The following LRBA variants were observed in gnomAD, a reference collection of about 807,000 sequenced individuals.
LRBA encodes the protein LPS responsive beige-like anchor protein.
LRBA carries 176 observed loss-of-function variants against 330.0 expected under a neutral mutation model. The ratio of observed to expected loss-of-function variants is 0.53; its 90% CI spans 0.47 to 0.60. The LOEUF (loss-of-function observed/expected upper bound fraction) is 0.60, where lower values mean the gene tolerates loss of function less well. Ranked by LOEUF, LRBA falls within the 20% of genes least tolerant of loss-of-function variation. The pLI, the probability that LRBA is intolerant of heterozygous loss-of-function variation, is 0.00. For synonymous variants in LRBA, 1,230 were observed against 1,193.0 expected, an observed-to-expected ratio of 1.03 and a Z score of -0.64; for missense variants, 3,259 against 3,444.8, an observed-to-expected ratio of 0.95 and a Z score of 1.35.
At chr4:150,899,821 C>A (rs1454957155) in intron 14 of LRBA, among the ~76,000 whole-genome samples, 1 of 152,112 alleles carries the variant, frequency 6.6e-6, no homozygotes, top group East Asian at 1.9e-4. Context: ...CCAAACAACT[C>A]ACACCAGCAC....
intron 5 of LRBA, among the ~76,000 whole-genome samples, chr4:150,919,289 T>C (rs1042828980): frequency 2.6e-5 from 4 of 152,200 alleles, no homozygotes; most frequent in Admixed American, 6.5e-5. Context: ...GTGGTGATGG[T>C]TGACAACTCT....
At chr4:150,594,814 A>C (rs7657997) in intron 38 of LRBA, among the ~76,000 whole-genome samples, 110,414 of 151,770 alleles carry the variant, frequency 0.73, 45,818 homozygotes, top group Non-Finnish European at 0.91. Flanking sequence ...AGTTCTTCAG[A>C]GCTAACTCTG....
chr4:150,573,463 A>G (rs1161726851), intron 40 of LRBA, among the ~76,000 whole-genome samples: 2 of 150,932 alleles, frequency 1.3e-5, no homozygotes, highest in African/African-American at 4.9e-5. Context: ...TTCAATGACC[A>G]TAACACAGAA....
intron 2 of LRBA, among the ~76,000 whole-genome samples, chr4:150,929,689 C>T (rs937610084): frequency 1.3e-5 from 2 of 152,156 alleles, no homozygotes; most frequent in Non-Finnish European, 2.9e-5. Flanking sequence ...TCACCCAGAG[C>T]CTCCCCATAC....
chr4:150,267,557 A>G (rs1023581279), intron 56 of LRBA, among the ~76,000 whole-genome samples: 1 of 152,214 alleles, frequency 6.6e-6, no homozygotes. Context: ...CTGTAAACAC[A>G]TAGATTTAAA....
chr4:150,391,551 G>A (rs780992305), intron 47 of LRBA, among the ~76,000 whole-genome samples: 1 of 152,106 alleles, frequency 6.6e-6, no homozygotes, highest in Non-Finnish European at 1.5e-5. Context: ...GAACATATTT[G>A]ATTCAACAAA....
At chr4:151,014,328 T>C in intron 2 of LRBA, 99 bp downstream of exon 2, 1 of 897,460 alleles carries the variant, frequency 1.1e-6, no homozygotes, top group African/African-American at 1.7e-5. Context: ...ACGAAAAAAG[T>C]CACCATCAGT....
intron 26 of LRBA, among the ~76,000 whole-genome samples, chr4:150,846,529 C>CAA (rs546817482): frequency 2.3e-4 from 24 of 104,686 alleles, no homozygotes; most frequent in African/African-American, 8.3e-4. Flanking sequence ...GCTCCATCTC[C>CAA]AAAAAAAAAA....
intron 44 of LRBA, among the ~76,000 whole-genome samples, chr4:150,453,010 T>C (rs1353133730): frequency 5.9e-5 from 9 of 152,194 alleles, no homozygotes; most frequent in Admixed American, 3.9e-4. Flanking sequence ...AAGAATTGTA[T>C]GCTAAAAGCT....
intron 28 of LRBA, among the ~76,000 whole-genome samples, chr4:150,843,185 T>C (rs1198188119): frequency 1.4e-4 from 21 of 152,140 alleles, no homozygotes; most frequent in Non-Finnish European, 7.3e-5. Context: ...TCCAGTATCA[T>C]GTTTAATACA....
intron 2 of LRBA, among the ~76,000 whole-genome samples, chr4:150,956,194 T>C (rs529988718): frequency 6.7e-6 from 1 of 148,922 alleles, no homozygotes; most frequent in Admixed American, 6.6e-5. Context: ...TGAGAGTGCA[T>C]TACTACCAAC....
chr4:150,419,633 CTTT>C (rs780382905), intron 46 of LRBA, among the ~76,000 whole-genome samples: 2 of 96,986 alleles, frequency 2.1e-5, no homozygotes. Flanking sequence ...CTGATAATAT[CTTT>C]TTTTTTTTTT....
At chr4:150,913,000 C>T (rs1488509750) in intron 9 of LRBA, among the ~76,000 whole-genome samples, 2 of 152,122 alleles carry the variant, frequency 1.3e-5, no homozygotes, top group Non-Finnish European at 2.9e-5. Flanking sequence ...CTACATTAAA[C>T]ATTTTCTACA....
intron 50 of LRBA, among the ~76,000 whole-genome samples, chr4:150,320,273 G>T (rs1252426027): frequency 1.9e-4 from 29 of 152,164 alleles, no homozygotes; most frequent in Non-Finnish European, 5.9e-5. Context: ...CATGGCTGGA[G>T]TAGATAAACT....
intron 47 of LRBA, among the ~76,000 whole-genome samples, chr4:150,408,903 T>C (rs933700903): frequency 6.6e-6 from 1 of 152,142 alleles, no homozygotes; most frequent in Admixed American, 6.6e-5. Context: ...TACTTTCATT[T>C]TGTTTGTGGC....
chr4:150,852,601 T>A lies in LRBA; in HGVS notation c.3109A>T (p.Thr1037Ser), dbSNP rs768866387. Residue 1037 changes from threonine (T) to serine (S), a missense_variant, in exon 23 of 57, where the codon ACA becomes TCA. Physicochemically the swap from Thr to Ser is moderately conservative, Grantham distance 58. Transcript: ENST00000651943. ...GCATTCCTTGTCTCATTTGTCAGTG[T>A]TTCTTCCAAAGTGCCTTCATCTGGT... Reference protein sequence around the residue: ...ELPDEGTLEETLTNETRNADD... With the variant: ...ELPDEGTLEESLTNETRNADD... 2 of 1,613,926 alleles carry A rather than the reference T, an allele frequency of 1.2e-6. No individual in the cohort carries two copies. The highest frequency in any genetic ancestry group is 2.7e-5 in the African/African-American group (2 of 74,944).
chr4:150,845,618 AG>A (rs941381705), intron 26 of LRBA, among the ~76,000 whole-genome samples: 3 of 152,150 alleles, frequency 2.0e-5, no homozygotes, highest in African/African-American at 7.2e-5. Context: ...AGCAAACTTA[AG>A]GGGGGACTTC....
intron 56 of LRBA, among the ~76,000 whole-genome samples, chr4:150,267,440 C>T (rs1342710770): frequency 1.4e-5 from 2 of 140,260 alleles, no homozygotes; most frequent in Non-Finnish European, 3.3e-5. Flanking sequence ...AAAAAACAAA[C>T]AACAACATAA....
chr4:150,369,224 T>C (rs1427223132), intron 47 of LRBA, among the ~76,000 whole-genome samples: 1 of 152,204 alleles, frequency 6.6e-6, no homozygotes, highest in African/African-American at 2.4e-5. Context: ...AATCTTGATG[T>C]CTTTTAACTA....
Sources: gnomAD v4.1 joint callset for allele counts (sites outside exome capture counted in the v4.1 genomes callset) on GRCh38, gnomAD v4.1.1 for gene constraint, MANE v1.5 for transcripts, NCBI Gene and HGNC (gene_info 2026-07-23, HGNC 2026-07-21) for gene names.